The following PIWIL1 variants were observed in gnomAD, a reference collection of about 807,000 sequenced individuals.
PIWIL1 encodes piwi like RNA-mediated gene silencing 1.
PIWIL1 carries 73 observed loss-of-function variants against 114.4 expected under a neutral mutation model. The observed-to-expected ratio is 0.64, with a 90% confidence interval of 0.53 to 0.78. The LOEUF (loss-of-function observed/expected upper bound fraction) is 0.78, where lower values mean the gene tolerates loss of function less well. Among genes scored for constraint, PIWIL1 ranks in the 30% least tolerant of loss-of-function variants. The pLI is 0.00. For missense variants in PIWIL1, 723 were observed against 1,063.1 expected (o/e 0.68, Z 4.45); for synonymous variants, 375 against 369.0 (o/e 1.02, Z -0.19).
the PIWIL1 span, among the ~76,000 whole-genome samples, chr12:130,403,569 T>G: frequency 6.6e-6 from 1 of 152,226 alleles, no homozygotes; most frequent in Non-Finnish European, 1.5e-5. Context: ...TAAAAACTTT[T>G]GTGCAACTGC....
chr12:130,360,656 C>A (rs1192104248), intron 14 of PIWIL1, among the ~76,000 whole-genome samples: 1 of 152,034 alleles, frequency 6.6e-6, no homozygotes, highest in African/African-American at 2.4e-5. Context: ...AACCAAACTC[C>A]CGAAAGTTAA....
the PIWIL1 span, among the ~76,000 whole-genome samples, chr12:130,411,143 A>C: frequency 6.6e-6 from 1 of 152,168 alleles, no homozygotes; most frequent in Non-Finnish European, 1.5e-5. Context: ...TTAATTTCTA[A>C]ATTTTCATTG....
the PIWIL1 span, chr12:130,414,346 CCTAA>C: frequency 1.3e-6 from 2 of 1,530,840 alleles, no homozygotes; most frequent in South Asian, 2.6e-5. Flanking sequence ...CGGCAGTGAG[CCTAA>C]CTGAGGAGCG....
At chr12:130,374,434 A>G (rs1395065084), downstream of PIWIL1, among the ~76,000 whole-genome samples, 2 of 152,256 alleles carry the variant, frequency 1.3e-5, no homozygotes, top group Admixed American at 6.5e-5. Context: ...TTACTACCCA[A>G]TGATTTTAAA....
chr12:130,399,866 A>G, the PIWIL1 span: 3 of 1,599,816 alleles, frequency 1.9e-6, no homozygotes, highest in African/African-American at 2.7e-5. Flanking sequence ...AGAAACCCAC[A>G]TCTTGCTTTG....
At chr12:130,382,575 C>A in the PIWIL1 span, among the ~76,000 whole-genome samples, 1 of 152,332 alleles carries the variant, frequency 6.6e-6, no homozygotes, top group South Asian at 2.1e-4. Flanking sequence ...TCTCCATTTG[C>A]AAACTGCCAC....
chr12:130,401,149 T>C, the PIWIL1 span, among the ~76,000 whole-genome samples: 2 of 152,078 alleles, frequency 1.3e-5, no homozygotes, highest in African/African-American at 4.8e-5. Flanking sequence ...AGAGTCTCGC[T>C]CTGTCACCCA....
At chr12:130,349,553 C>G (rs1383620490) in intron 8 of PIWIL1, 117 bp downstream of exon 8, 3 of 708,744 alleles carry the variant, frequency 4.2e-6, no homozygotes, top group African/African-American at 3.6e-5. Context: ...TAGCACAAAA[C>G]AAGGGTGAGG....
chr12:130,396,692 C>G, the PIWIL1 span: 1 of 152,578 alleles, frequency 6.6e-6, no homozygotes, highest in African/African-American at 2.4e-5. Flanking sequence ...CTTTACCAAA[C>G]AAAGTTACTT....
intron 19 of PIWIL1, among the ~76,000 whole-genome samples, chr12:130,369,230 T>C (rs1408925586): frequency 6.6e-6 from 1 of 152,176 alleles, no homozygotes; most frequent in Non-Finnish European, 1.5e-5. Flanking sequence ...CATGATCTTG[T>C]TCCTTTATAT....
chr12:130,389,820 T>C, the PIWIL1 span, among the ~76,000 whole-genome samples: 1 of 152,238 alleles, frequency 6.6e-6, no homozygotes, highest in African/African-American at 2.4e-5. Flanking sequence ...GTGTGTCTTT[T>C]CTCGTATAAA....
chr12:130,382,259 A>T, the PIWIL1 span, among the ~76,000 whole-genome samples: 1 of 152,176 alleles, frequency 6.6e-6, no homozygotes, highest in Non-Finnish European at 1.5e-5. Context: ...GTCACTTCCC[A>T]TGTGGACCTT....
intron 19 of PIWIL1, 64 bp from the exon 20 acceptor site, chr12:130,371,112 G>GT (rs2136202424): frequency 7.2e-7 from 1 of 1,396,914 alleles, no homozygotes; most frequent in South Asian, 1.2e-5. Flanking sequence ...GCTTTTCACT[G>GT]TAAGAAACTG....
chr12:130,419,834 C>A, the PIWIL1 span: 1 of 151,956 alleles, frequency 6.6e-6, no homozygotes, highest in Non-Finnish European at 1.5e-5. The surrounding 1 kb of genome is among the most constrained non-coding windows in gnomAD (Gnocchi z 4.3). Context: ...ATGCAAAGAC[C>A]AAAAGTTATA....
chr12:130,401,147 G>A, the PIWIL1 span, among the ~76,000 whole-genome samples: 63 of 151,796 alleles, frequency 4.2e-4, 1 homozygote, highest in African/African-American at 1.5e-3. Flanking sequence ...ACAGAGTCTC[G>A]CTCTGTCACC....
At chr12:130,406,284 C>A in the PIWIL1 span, 1 of 1,345,226 alleles carries the variant, frequency 7.4e-7, no homozygotes, top group Non-Finnish European at 1.1e-6. Flanking sequence ...TTTTTCTACA[C>A]AACAGTAGTA....
At chr12:130,386,216 C>G in the PIWIL1 span, among the ~76,000 whole-genome samples, 1 of 152,124 alleles carries the variant, frequency 6.6e-6, no homozygotes, top group African/African-American at 2.4e-5. Flanking sequence ...GGCTAAGATG[C>G]TCAGAATTGG....
At chr12:130,413,052 G>A in the PIWIL1 span, among the ~76,000 whole-genome samples, 112 of 152,080 alleles carry the variant, frequency 7.4e-4, 3 homozygotes, top group East Asian at 0.02. Flanking sequence ...TGTTTGCTTG[G>A]ATGAATGCAT....
chr12:130,404,558 C>T, the PIWIL1 span, among the ~76,000 whole-genome samples: 20,954 of 152,192 alleles, frequency 0.14, 1,906 homozygotes, highest in East Asian at 0.41. Flanking sequence ...CCTCAGCCTC[C>T]GCATGAGTCA....
Sources: gnomAD v4.1 joint callset for allele counts (sites outside exome capture counted in the v4.1 genomes callset) on GRCh38, gnomAD v4.1.1 for gene constraint, Gnocchi (gnomAD v3.1) non-coding constraint, MANE v1.5 for transcripts, NCBI Gene and HGNC (gene_info 2026-07-23, HGNC 2026-07-21) for gene names.